IRF8: variants seen among roughly 807,000 people sequenced by gnomAD.
The protein encoded by IRF8 is interferon regulatory factor 8, also known as interferon consensus sequence binding protein 1.
IRF8 carries 14 observed loss-of-function variants against 48.7 expected under a neutral mutation model. The observed-to-expected ratio is 0.29, with a 90% CI of 0.19 to 0.45. IRF8 has a LOEUF of 0.45. Ranked by LOEUF, IRF8 falls within the 20% of genes least tolerant of loss-of-function variation. IRF8 has a pLI of 1.00. For missense variants in IRF8, 493 were observed against 580.7 expected, an observed-to-expected ratio of 0.85 and a Z score of 1.55; for synonymous variants, 278 against 227.3, an observed-to-expected ratio of 1.22 and a Z score of -2.01.
chr16:85,919,362 C>G (rs887740367), intron 7 of IRF8, among the ~76,000 whole-genome samples: 3 of 152,178 alleles, frequency 2.0e-5, no homozygotes, highest in Non-Finnish European at 4.4e-5. Flanking sequence ...GATGGCGTCT[C>G]CCTTCTCCAC....
chr16:85,914,309 C>G (rs1192477239), intron 5 of IRF8, 164 bp from the exon 6 acceptor site: 1 of 751,004 alleles, frequency 1.3e-6, no homozygotes, highest in African/African-American at 1.7e-5. Flanking sequence ...GCTCTCTGCT[C>G]TGGTGGGGAA....
chr16:85,912,085 C>T (rs934221546), intron 4 of IRF8, among the ~76,000 whole-genome samples: 3 of 152,250 alleles, frequency 2.0e-5, no homozygotes, highest in African/African-American at 7.2e-5. Flanking sequence ...TGTACCAGCT[C>T]TCATGGCTAT....
At chr16:85,912,676 A>G (rs1018493390) in intron 4 of IRF8, among the ~76,000 whole-genome samples, 15 of 152,250 alleles carry the variant, frequency 9.9e-5, no homozygotes, top group Non-Finnish European at 2.1e-4. Context: ...AAAACATTTC[A>G]TAATTGGATT....
intron 6 of IRF8, 115 bp from the exon 7 acceptor site, chr16:85,918,301 TG>T: frequency 8.5e-7 from 1 of 1,173,874 alleles, no homozygotes; most frequent in Non-Finnish European, 1.2e-6. Context: ...AATATCAAAG[TG>T]GTTCAAGACA....
At chr16:85,919,063 C>G (rs546931014) in intron 7 of IRF8, among the ~76,000 whole-genome samples, 2 of 152,074 alleles carry the variant, frequency 1.3e-5, no homozygotes, top group African/African-American at 4.8e-5. Context: ...AGGTGATTGT[C>G]GGGAGGGTAA....
intron 1 of IRF8, among the ~76,000 whole-genome samples, chr16:85,900,454 A>G (rs1016261655): frequency 6.6e-6 from 1 of 152,266 alleles, no homozygotes; most frequent in African/African-American, 2.4e-5. Context: ...ATAAATCATT[A>G]TGGATCATAA....
chr16:85,914,099 A>G (rs1905225190), intron 5 of IRF8: 3 of 315,562 alleles, frequency 9.5e-6, no homozygotes, highest in East Asian at 1.6e-4. Flanking sequence ...CCGGAAAGCT[A>G]GCTTGCACCC....
intron 3 of IRF8, among the ~76,000 whole-genome samples, chr16:85,911,261 A>C (rs985337491): frequency 2.8e-4 from 43 of 152,230 alleles, no homozygotes; most frequent in Admixed American, 6.5e-5. Context: ...CTTGCTGTAA[A>C]GTATATCTGA....
chr16:85,921,930 C>G lies in IRF8; in HGVS notation c.*648C>G, dbSNP rs944128027. On this transcript the variant is annotated 3_prime_UTR_variant, in exon 9 of 9. Coordinates refer to ENST00000268638, the MANE Select transcript of IRF8 (RefSeq NM_002163.4). ...GTGTTTTTATCTTCAGACAATGAAA[C>G]CTTCTCCTCTGGGGCTTTGTTGCCA... The G allele has an allele frequency of 1.3e-5, 2 of 152,640 alleles. No individual in the cohort carries two copies. Among genetic ancestry groups the G allele is most frequent in the African/African-American group, 4.8e-5 (2 of 41,410 alleles). 9.5% of individuals were successfully genotyped at this position (152,640 alleles called of 1,614,324 possible).
intron 1 of IRF8, among the ~76,000 whole-genome samples, chr16:85,900,058 G>C (rs1368957616): frequency 1.3e-5 from 2 of 152,192 alleles, no homozygotes; most frequent in African/African-American, 4.8e-5. Flanking sequence ...GGTTACGGCA[G>C]CTTCCTCTAT....
At chr16:85,914,037 C>G in intron 5 of IRF8, 1 of 233,982 alleles carries the variant, frequency 4.3e-6, no homozygotes, top group Admixed American at 5.0e-5. Flanking sequence ...CCTTGGGTGT[C>G]GAGTAAGAGG....
In IRF8 at chr16:85,911,587, A is replaced by G. The variant is rs757116654; in HGVS notation, c.376A>G (p.Thr126Ala). 20 of 1,614,120 alleles carry G rather than the reference A, an allele frequency of 1.2e-5. No homozygotes were observed. The South Asian group carries it at 2.0e-4, about 16-fold the overall frequency. Residue 126 changes from threonine (T) to alanine (A), a missense_variant, in exon 4 of 9, where the codon ACT becomes GCT. Around this residue, in one of 3 missense-constraint regions of IRF8, gnomAD observed 408 missense variants for 449.6 expected, o/e 0.91. Coordinates refer to ENST00000268638, the MANE Select transcript of IRF8 (RefSeq NM_002163.4). ...EEQKCKLGVA[T>A]AGCVNEVTEM... Reference sequence around the variant, plus strand: ...TTCTGTAGGCAAACTAGGCGTGGCAACTGCTGGCTGCGTGAATGAAGTTAC... The same window carrying G: ...TTCTGTAGGCAAACTAGGCGTGGCAGCTGCTGGCTGCGTGAATGAAGTTAC...
At chr16:85,908,498 A>G (rs546453112) in intron 2 of IRF8, among the ~76,000 whole-genome samples, 21 of 152,380 alleles carry the variant, frequency 1.4e-4, no homozygotes, top group African/African-American at 5.1e-4. Context: ...CAAAATTTCT[A>G]TTAAAAGTAA....
chr16:85,909,279 T>G, intron 3 of IRF8, 106 bp downstream of exon 3: 1 of 878,082 alleles, frequency 1.1e-6, no homozygotes. Flanking sequence ...GGCACATAGT[T>G]TCAGTTAAAC....
intron 5 of IRF8, 84 bp downstream of exon 5, chr16:85,913,320 G>A (rs1905202453): frequency 6.3e-6 from 6 of 959,962 alleles, no homozygotes; most frequent in East Asian, 2.4e-5. Context: ...GAGTGGGGGT[G>A]GTTGTTGCTA....
chr16:85,902,954 G>A (rs1904872152), intron 1 of IRF8, 61 bp from the exon 2 acceptor site: 1 of 1,587,406 alleles, frequency 6.3e-7, no homozygotes, highest in Non-Finnish European at 8.6e-7. Context: ...CAGTTTTTGG[G>A]TTGCTGTGAT....
intron 2 of IRF8, 25 bp downstream of exon 2, chr16:85,903,214 A>T: frequency 6.3e-7 from 1 of 1,599,472 alleles, no homozygotes; most frequent in East Asian, 2.2e-5. Context: ...TCCCTTCCCC[A>T]CTGTGGGCAC....
Position 85,913,211 on chromosome 16 carries a change from C to T in IRF8, c.528C>T (p.Asp176=). The T allele has an allele frequency of 6.2e-7, 1 of 1,613,870 alleles. No individual in the cohort carries two copies. The highest frequency in any genetic ancestry group is 8.5e-7 in the Non-Finnish European group (1 of 1,179,768). The change falls in exon 5 of 9, where the codon GAC becomes GAT. Residue 176 remains aspartate (D), a synonymous_variant. Transcript: ENST00000268638. ...PEACRSQLLP[D]WWAQQPSTGV... Reference sequence around the variant, plus strand: ...CCTGTCGGAGTCAGCTCCTTCCAGACTGGTGGGCGCAGCAGCCCAGCACAG... The same window carrying T: ...CCTGTCGGAGTCAGCTCCTTCCAGATTGGTGGGCGCAGCAGCCCAGCACAG...
At chr16:85,906,700 C>T (rs1443884671) in intron 2 of IRF8, among the ~76,000 whole-genome samples, 1 of 152,138 alleles carries the variant, frequency 6.6e-6, no homozygotes, top group Non-Finnish European at 1.5e-5. Context: ...CATTTCAAGG[C>T]CCGTTTGGGA....
Sources: allele counts gnomAD v4.1 joint callset (sites outside exome capture counted in the v4.1 genomes callset), GRCh38; gene constraint gnomAD v4.1.1; regional missense constraint gnomAD v4.1.1; transcripts MANE v1.5; gene names NCBI Gene and HGNC (gene_info 2026-07-23, HGNC 2026-07-21).